BMP1: variants seen among roughly 807,000 people sequenced by gnomAD.
BMP1 encodes the protein mammalian tolloid protein.
A neutral mutation model predicts 116.8 loss-of-function variants in BMP1; 63 were observed. The observed-to-expected ratio is 0.54, with a 90% CI of 0.44 to 0.67. BMP1 has a LOEUF of 0.67. Ranked by LOEUF, BMP1 falls within the 30% of genes least tolerant of loss-of-function variation. The pLI, the probability that BMP1 is intolerant of heterozygous loss-of-function variation, is 0.00. For missense variants in BMP1, 1,183 were observed against 1,358.9 expected (o/e 0.87, Z 2.04); for synonymous variants, 536 against 533.4 (o/e 1.00, Z -0.07).
At chr8:22,195,696 A>ACC in intron 13 of BMP1, 109 bp downstream of exon 13, 1 of 1,464,546 alleles carries the variant, frequency 6.8e-7, no homozygotes, top group Non-Finnish European at 9.1e-7. Context: ...CCCAGGCTGG[A>ACC]AGTACAGTGG....
intron 1 of BMP1, among the ~76,000 whole-genome samples, chr8:22,169,101 A>C (rs572980121): frequency 6.6e-5 from 10 of 151,934 alleles, no homozygotes; most frequent in Admixed American, 5.2e-4. Flanking sequence ...CGAGAGTTCA[A>C]GGCTGAGTCC....
At chr8:22,196,595 T>G in intron 13 of BMP1, 85 bp from the exon 14 acceptor site, 1 of 1,588,262 alleles carries the variant, frequency 6.3e-7, no homozygotes. Context: ...CCCCATCTTC[T>G]CCTTACTGCA....
chr8:22,199,761 C>G (rs1467882245), intron 15 of BMP1, among the ~76,000 whole-genome samples: 6 of 152,158 alleles, frequency 3.9e-5, no homozygotes, highest in Non-Finnish European at 5.9e-5. Context: ...CCTTCACCCC[C>G]ACATTTTCTG....
rs75173022 is a variant in BMP1 at position 22,180,730 on chromosome 8, A to G, written c.1077+247A>G. ...CACATAGCACTTGCTGTGTAGGTCT[A>G]TTTTGATTATCTAGTTCTTCTTGGG... On this transcript the variant is annotated intron_variant, in intron 8 of 19. Transcript: ENST00000306385. Among the ~76,000 whole-genome samples the G allele has an allele frequency of 0.081, 12,256 of 151,534 alleles. 629 individuals carry two copies. Among genetic ancestry groups the G allele is most frequent in the Non-Finnish European group, 0.11 (7,398 of 67,786 alleles).
intron 12 of BMP1, 92 bp downstream of exon 12, chr8:22,195,011 C>CAT: frequency 1.5e-6 from 2 of 1,348,466 alleles, no homozygotes; most frequent in Non-Finnish European, 2.0e-6. Context: ...CTCCAGGAGG[C>CAT]ATATTGATAC....
At chr8:22,182,599 C>G (rs562198107) in intron 8 of BMP1, among the ~76,000 whole-genome samples, 1 of 152,246 alleles carries the variant, frequency 6.6e-6, no homozygotes, top group Admixed American at 6.5e-5. Context: ...TTGACAAAAC[C>G]CCTTTTAAAA....
chr8:22,179,768 C>A lies in BMP1; in HGVS notation c.900C>A (p.Gly300=), dbSNP rs769291101. The change falls in exon 7 of 20, where the codon GGC becomes GGA. Residue 300 remains glycine (G), a synonymous_variant. Coordinates refer to ENST00000306385, the MANE Select transcript of BMP1 (RefSeq NM_006129.5). This position sits in a 1 kb window ranked among gnomAD's most constrained non-coding sequence, Gnocchi z 4.6. ...TGAACGGGGTGAAACCTCCCATTGG[C>A]CAAAGGACACGGCTCAGCAAGGGGG... ...YEVNGVKPPI[G]QRTRLSKGDI... The A allele has an allele frequency of 6.2e-7, 1 of 1,614,114 alleles. No homozygotes were observed. The highest frequency in any genetic ancestry group is 8.5e-7 in the Non-Finnish European group (1 of 1,180,002).
chr8:22,196,840 T>C lies in BMP1; in HGVS notation c.1926T>C (p.Asp642=). 1.2e-6 allele frequency: 2 copies of C among 1,611,234 alleles called. No individual in the cohort carries two copies. The highest frequency in any genetic ancestry group is 8.5e-7 in the Non-Finnish European group (1 of 1,178,376). ...ACTTCTTTGAGACAGAGGGCAATGATGTAAGTGCCCACCAGGGGCTGAGGT... is the reference window on the plus strand; with the variant it reads ...ACTTCTTTGAGACAGAGGGCAATGACGTAAGTGCCCACCAGGGGCTGAGGT... ...QFDFFETEGN[D]VCKYDFVEVR... Residue 642 remains aspartate, a splice_region_variant and synonymous_variant, in exon 14 of 20, where the codon GAT becomes GAC. Transcript: ENST00000306385.
chr8:22,199,267 G>A lies in BMP1; in HGVS notation c.2107+1847G>A, dbSNP rs1421068654. On this transcript the variant is annotated intron_variant, in intron 15 of 19. Coordinates refer to ENST00000306385, the MANE Select transcript of BMP1 (RefSeq NM_006129.5). ...GCATCTGACTCTGGCCCCCCAGGAG[G>A]GGAGCTATTTGGACTTTTGGGACAC... 3.7e-6 allele frequency: 5 copies of A among 1,367,280 alleles called. No individual in the cohort carries two copies. The South Asian group carries it at 4.5e-5, about 12-fold the overall frequency. 84.7% of individuals were successfully genotyped at this position (1,367,280 alleles called of 1,614,324 possible). A position where few individuals can be genotyped will look rare whatever the true frequency, so the allele number is the denominator to read the frequency against.
rs756350731 is a variant in BMP1, at chr8:22,211,378, G to C, written c.2827-216G>C. On this transcript the variant is annotated intron_variant, in intron 19 of 19. Coordinates refer to ENST00000306385, the MANE Select transcript of BMP1 (RefSeq NM_006129.5). ...CAACTCATTTAGTAGTTATAGCAGA[G>C]CTGGGTTTACGGGAACTTAGTTCTC... 4.8e-4 allele frequency among the ~76,000 whole-genome samples: 73 copies of C among 152,204 alleles called. 1 individual carries two copies. Among genetic ancestry groups the C allele is most frequent in the Non-Finnish European group, 9.8e-4 (67 of 68,042 alleles).
intron 15 of BMP1, among the ~76,000 whole-genome samples, chr8:22,199,845 C>A (rs1462438968): frequency 6.6e-6 from 1 of 152,298 alleles, no homozygotes; most frequent in East Asian, 1.9e-4. Context: ...GAGCAAGAAA[C>A]CTTGGGAAGG....
chr8:22,192,280 G>T, intron 9 of BMP1, 129 bp downstream of exon 9: 3 of 733,888 alleles, frequency 4.1e-6, no homozygotes, highest in Non-Finnish European at 6.8e-6. Context: ...GGAGCCAGGA[G>T]TCCTGGCATC....
intron 5 of BMP1, chr8:22,177,442 T>G (rs1327266488): frequency 2.9e-6 from 2 of 679,688 alleles, no homozygotes; most frequent in East Asian, 2.7e-5. Flanking sequence ...TCCTGGGGAC[T>G]GCTCAGGCCT....
In BMP1 at chr8:22,207,584, T is replaced by C. The variant is rs1244580547; in HGVS notation, c.2575+68T>C. ...CAAGACTGGGGTAGAGTCGGGGGTT[T>C]CAATGCGGGTATGAAGGTACAGAGG... On this transcript the variant is annotated intron_variant, in intron 18 of 19. Transcript: ENST00000306385. 14 of 1,548,788 alleles carry C rather than the reference T, an allele frequency of 9.0e-6. No homozygotes were observed. The East Asian group carries it at 2.7e-4, about 30-fold the overall frequency.
intron 8 of BMP1, among the ~76,000 whole-genome samples, chr8:22,182,437 C>G (rs1184871051): frequency 1.3e-5 from 2 of 152,234 alleles, no homozygotes; most frequent in African/African-American, 4.8e-5. Flanking sequence ...TCATTACTAT[C>G]CAGCCACAGG....
chr8:22,173,412 A>G (rs1828337011), intron 1 of BMP1, among the ~76,000 whole-genome samples, 190 bp from the exon 2 acceptor site: 1 of 152,230 alleles, frequency 6.6e-6, no homozygotes, highest in Non-Finnish European at 1.5e-5. Flanking sequence ...AAAAGTAAGC[A>G]TGAGCTTCCC....
At chr8:22,174,152 A>G (rs1245833016) in intron 2 of BMP1, among the ~76,000 whole-genome samples, 2 of 152,142 alleles carry the variant, frequency 1.3e-5, no homozygotes, top group East Asian at 3.8e-4. Context: ...CCAACACTGC[A>G]ATCCCTCCTG....
At chr8:22,185,390 AG>A (rs753485772) in intron 8 of BMP1, among the ~76,000 whole-genome samples, 13 of 151,950 alleles carry the variant, frequency 8.6e-5, no homozygotes, top group African/African-American at 1.2e-4. Flanking sequence ...CGGGAGGTGG[AG>A]GTTGCAGTGA....
At chr8:22,195,838 G>A (rs564258631) in intron 13 of BMP1, among the ~76,000 whole-genome samples, 1 of 152,012 alleles carries the variant, frequency 6.6e-6, no homozygotes, top group African/African-American at 2.4e-5. Flanking sequence ...TTGTAGCAAT[G>A]AGGTCTTACT....
Sources: gnomAD v4.1 joint callset for allele counts (sites outside exome capture counted in the v4.1 genomes callset) on GRCh38, gnomAD v4.1.1 for gene constraint, Gnocchi (gnomAD v3.1) non-coding constraint, MANE v1.5 for transcripts, NCBI Gene and HGNC (gene_info 2026-07-23, HGNC 2026-07-21) for gene names.